SGCZ: variants seen among roughly 807,000 people sequenced by gnomAD.
SGCZ encodes zeta-sarcoglycan.
In SGCZ, 40 loss-of-function variants were observed where a neutral mutation model predicts 41.3. That is an observed-to-expected ratio of 0.97 (90% confidence interval 0.75 to 1.26). The LOEUF is 1.26. Ranked by LOEUF, SGCZ falls within the 50% of genes most tolerant of loss-of-function variation. The pLI is 0.00. For missense variants in SGCZ, 552 were observed against 369.8 expected (o/e 1.49, Z -4.04); for synonymous variants, 206 against 137.5 (o/e 1.50, Z -3.49).
intron 3 of SGCZ, among the ~76,000 whole-genome samples, chr8:14,318,483 T>C (rs1801794988): frequency 6.6e-6 from 1 of 151,818 alleles, no homozygotes; most frequent in African/African-American, 2.4e-5. Context: ...ACCTAACCCA[T>C]ATCTCCAGAA....
chr8:14,242,475 A>C (rs1275375241), intron 3 of SGCZ, among the ~76,000 whole-genome samples: 3 of 152,112 alleles, frequency 2.0e-5, no homozygotes, highest in Non-Finnish European at 4.4e-5. Flanking sequence ...CTTCCAAGTT[A>C]CTCCACATTT....
At chr8:14,967,934 A>C (rs1413455639) in intron 1 of SGCZ, among the ~76,000 whole-genome samples, 1 of 152,148 alleles carries the variant, frequency 6.6e-6, no homozygotes, top group South Asian at 2.1e-4. Flanking sequence ...GACCTCCAAA[A>C]GCAAATTATT....
At chr8:14,099,101 G>A (rs975954074) in intron 7 of SGCZ, among the ~76,000 whole-genome samples, 1 of 152,104 alleles carries the variant, frequency 6.6e-6, no homozygotes, top group East Asian at 1.9e-4. Context: ...TGAGATAGAG[G>A]TATAAGTCAT....
At chr8:14,521,425 T>C (rs1315261592) in intron 2 of SGCZ, among the ~76,000 whole-genome samples, 1 of 152,132 alleles carries the variant, frequency 6.6e-6, no homozygotes, top group Admixed American at 6.6e-5. Context: ...AACCTATGTT[T>C]ACCTATGTAA....
At chr8:14,307,099 G>T (rs1355391404) in intron 3 of SGCZ, among the ~76,000 whole-genome samples, 4 of 152,264 alleles carry the variant, frequency 2.6e-5, no homozygotes, top group South Asian at 2.1e-4. Context: ...AGCAAGTACT[G>T]CTATAATAAC....
At chr8:14,310,075 C>G (rs940846551) in intron 3 of SGCZ, among the ~76,000 whole-genome samples, 7 of 152,172 alleles carry the variant, frequency 4.6e-5, no homozygotes, top group Non-Finnish European at 8.8e-5. Context: ...TATGCAGGAG[C>G]ATATTTTGCT....
At chr8:14,714,567 T>C (rs937308044) in intron 1 of SGCZ, among the ~76,000 whole-genome samples, 6 of 152,206 alleles carry the variant, frequency 3.9e-5, no homozygotes, top group African/African-American at 1.4e-4. Context: ...CAATTTGTCT[T>C]AGCCAATAAT....
intron 1 of SGCZ, among the ~76,000 whole-genome samples, chr8:14,812,114 G>A (rs1801755027): frequency 1.3e-5 from 2 of 151,770 alleles, no homozygotes; most frequent in South Asian, 4.2e-4. Flanking sequence ...AAATTTTGAA[G>A]CAATTTATAC....
At chr8:14,429,012 T>A (rs76414079) in intron 2 of SGCZ, among the ~76,000 whole-genome samples, 1,665 of 152,298 alleles carry the variant, frequency 0.011, 19 homozygotes, top group Middle Eastern at 0.024. Context: ...AACAGCTGAT[T>A]TATTTCATTA....
intron 5 of SGCZ, among the ~76,000 whole-genome samples, chr8:14,147,276 A>G (rs1585178007): frequency 6.6e-6 from 1 of 152,300 alleles, no homozygotes; most frequent in African/African-American, 2.4e-5. Flanking sequence ...GACTGGCTGA[A>G]TAAATGAAAA....
intron 1 of SGCZ, among the ~76,000 whole-genome samples, chr8:14,592,810 G>C (rs953657108): frequency 2.0e-5 from 3 of 152,170 alleles, no homozygotes; most frequent in Non-Finnish European, 4.4e-5. Flanking sequence ...GGAAATCAGA[G>C]TGGCTCTTAG....
At chr8:14,766,695 G>A (rs1008318183) in intron 1 of SGCZ, among the ~76,000 whole-genome samples, 1 of 150,334 alleles carries the variant, frequency 6.7e-6, no homozygotes, top group African/African-American at 2.4e-5. Flanking sequence ...CCAAGTAGCT[G>A]GGACCACAGG....
chr8:14,705,318 G>C (rs567572690), intron 1 of SGCZ, among the ~76,000 whole-genome samples: 1 of 152,000 alleles, frequency 6.6e-6, no homozygotes, highest in East Asian at 1.9e-4. Flanking sequence ...ATGAAGAACA[G>C]GCACTTTGAA....
intron 2 of SGCZ, among the ~76,000 whole-genome samples, chr8:14,490,818 T>A (rs913351804): frequency 0.016 from 9 of 560 alleles, no homozygotes; most frequent in Non-Finnish European, 0.064. Flanking sequence ...GAATTGATCA[T>A]TTCAAAAAAA....
intron 1 of SGCZ, among the ~76,000 whole-genome samples, chr8:14,974,710 A>G (rs557607138): frequency 2.6e-4 from 40 of 152,284 alleles, no homozygotes; most frequent in African/African-American, 8.4e-4. Flanking sequence ...GCATGATTTC[A>G]TGGGAATTCT....
At chr8:14,723,695 T>C (rs1375873927) in intron 1 of SGCZ, among the ~76,000 whole-genome samples, 1 of 152,146 alleles carries the variant, frequency 6.6e-6, no homozygotes, top group Non-Finnish European at 1.5e-5. Context: ...TCTGTGTCTA[T>C]GCATATATAT....
intron 1 of SGCZ, among the ~76,000 whole-genome samples, chr8:14,967,451 T>C (rs1249329267): frequency 1.3e-5 from 2 of 152,170 alleles, no homozygotes. Context: ...CACCTCTGTC[T>C]TCAATTATGA....
intron 1 of SGCZ, among the ~76,000 whole-genome samples, chr8:15,010,883 T>C (rs1379788311): frequency 6.6e-5 from 10 of 152,180 alleles, no homozygotes; most frequent in Non-Finnish European, 1.5e-5. Flanking sequence ...CAGATGCTGC[T>C]CCCTATACAT....
intron 5 of SGCZ, among the ~76,000 whole-genome samples, chr8:14,149,424 A>T (rs1169391274): frequency 6.6e-6 from 1 of 152,106 alleles, no homozygotes. Context: ...TCCCATTTAC[A>T]ATAGCACACA....
Sources: gnomAD v4.1 joint callset for allele counts (sites outside exome capture counted in the v4.1 genomes callset) on GRCh38, gnomAD v4.1.1 for gene constraint, MANE v1.5 for transcripts, NCBI Gene and HGNC (gene_info 2026-07-23, HGNC 2026-07-21) for gene names.